RFX8: variants seen among roughly 807,000 people sequenced by gnomAD.
RFX8 encodes the protein regulatory factor X8.
Under a neutral mutation model 54.6 loss-of-function variants are expected in RFX8, and 46 were observed. The ratio of observed to expected loss-of-function variants is 0.84; its 90% CI spans 0.67 to 1.08. RFX8 has a LOEUF of 1.08. RFX8 is among the 50% of genes least tolerant of loss of function. The pLI, the probability that RFX8 is intolerant of heterozygous loss-of-function variation, is 0.00. For synonymous variants in RFX8, 192 were observed against 209.5 expected, an observed-to-expected ratio of 0.92 and a Z score of 0.72; for missense variants, 536 against 562.3, an observed-to-expected ratio of 0.95 and a Z score of 0.47.
intron 1 of RFX8, among the ~76,000 whole-genome samples, chr2:101,472,654 ATAAAAT>A (rs1458585132): frequency 6.6e-6 from 1 of 152,196 alleles, no homozygotes; most frequent in East Asian, 1.9e-4. Context: ...TGGGTCACAT[ATAAAAT>A]ACACTAACAC....
chr2:101,467,418 C>A (rs1689637338), intron 1 of RFX8, among the ~76,000 whole-genome samples: 1 of 152,154 alleles, frequency 6.6e-6, no homozygotes, highest in African/African-American at 2.4e-5. Context: ...CAGTTGCTTG[C>A]ATGGTTCTTA....
At chr2:101,456,000 T>C (rs887610388) in intron 2 of RFX8, among the ~76,000 whole-genome samples, 1 of 152,212 alleles carries the variant, frequency 6.6e-6, no homozygotes, top group African/African-American at 2.4e-5. Flanking sequence ...AGTTCACTCA[T>C]GATTTGGCTC....
rs955470649 is a variant in RFX8, at chr2:101,406,175, A to T, written c.814-118T>A. 8.6e-6 allele frequency: 5 copies of T among 583,882 alleles called. No individual in the cohort carries two copies. In the Admixed American group the frequency reaches 1.4e-4, roughly 16 times the overall value. The allele number at this position is 583,882 out of a possible 1,614,324, so 36.2% of individuals were successfully genotyped here. On this transcript the variant is annotated intron_variant, in intron 9 of 11. Transcript: ENST00000428343. ...CATTTTTAAAGAGCCAAAGAAGAGGAAGATGAAATAACAAAAGCGGGAACT... is the reference window on the plus strand; with the variant it reads ...CATTTTTAAAGAGCCAAAGAAGAGGTAGATGAAATAACAAAAGCGGGAACT...
Position 101,418,865 on chromosome 2 carries a change from C to G in RFX8, c.337G>C (p.Val113Leu), listed in dbSNP as rs1056347284. The G allele has an allele frequency of 3.9e-6, 6 of 1,548,422 alleles. No homozygotes were observed. In the Admixed American group the frequency reaches 1.2e-4, roughly 30 times the overall value. ...DVCQLFKCYDVQLYKGIEDVL... is the reference protein window; with the variant it reads ...DVCQLFKCYDLQLYKGIEDVL... The stretch of plus-strand genomic sequence containing the variant: ...CGTCCTCCTACCTTGTACAGCTGGA[C>G]GTCGTAGCATTTAAAGAGCTGGCAC... Residue 113 changes from valine (V) to leucine (L), a missense_variant, in exon 5 of 12, where the codon GTC becomes CTC. Transcript: ENST00000428343.
intron 1 of RFX8, among the ~76,000 whole-genome samples, chr2:101,469,004 GTATATATATATAGGTA>G (rs1558896100): frequency 4.3e-4 from 11 of 25,312 alleles, no homozygotes; most frequent in South Asian, 1.5e-3. Flanking sequence ...ATATATATAC[GTATATATATATAGGTA>G]TATATATATA....
intron 1 of RFX8, among the ~76,000 whole-genome samples, chr2:101,470,631 T>C (rs1462315966): frequency 2.0e-5 from 3 of 152,016 alleles, no homozygotes; most frequent in African/African-American, 7.2e-5. Flanking sequence ...CTCCTCGCTT[T>C]GAGTGATGAA....
At position 101,402,603 on chromosome 2, in the gene RFX8, G is replaced by C; in HGVS notation, c.1078C>G (p.Leu360Val). The C allele has an allele frequency of 1.9e-6, 3 of 1,552,082 alleles. No individual in the cohort carries two copies. The highest frequency in any genetic ancestry group is 2.6e-6 in the Non-Finnish European group (3 of 1,147,104). ...DPTLGQPDQA[L>V]FHSLNSSLSQ... ...AGTGAGGAATTCAGAGAATGGAAAAGTGCCTGGTCTGGCTGGCCGAGAGTC... is the reference window on the plus strand; with the variant it reads ...AGTGAGGAATTCAGAGAATGGAAAACTGCCTGGTCTGGCTGGCCGAGAGTC... The change falls in exon 11 of 12, where the codon CTT becomes GTT. Residue 360 changes from leucine to valine, a missense_variant. Physicochemically the swap from Leu to Val is conservative, Grantham distance 32 (BLOSUM62 1). Transcript: ENST00000428343.
chr2:101,417,049 G>C (rs922386604), intron 6 of RFX8, among the ~76,000 whole-genome samples: 2 of 152,258 alleles, frequency 1.3e-5, no homozygotes, highest in African/African-American at 4.8e-5. Context: ...GGTGTGGCTG[G>C]ATCAGCACAA....
At chr2:101,410,125 C>T (rs1002679185) in intron 9 of RFX8, among the ~76,000 whole-genome samples, 5 of 152,072 alleles carry the variant, frequency 3.3e-5, no homozygotes, top group South Asian at 4.2e-4. Flanking sequence ...CCCTTTGCTG[C>T]AATACACACC....
intron 5 of RFX8, 122 bp downstream of exon 5, chr2:101,418,729 C>T: frequency 1.4e-6 from 1 of 702,494 alleles, no homozygotes; most frequent in Non-Finnish European, 2.6e-6. Flanking sequence ...GTCCATACAC[C>T]CCACTATTCA....
At chr2:101,449,904 T>C (rs924664452) in intron 2 of RFX8, among the ~76,000 whole-genome samples, 35 of 151,902 alleles carry the variant, frequency 2.3e-4, no homozygotes, top group African/African-American at 8.2e-4. Flanking sequence ...GGGGGTTGGA[T>C]GACACAGTCC....
In RFX8 at chr2:101,451,819, C is replaced by T. The variant is rs573378587; in HGVS notation, c.72+14958G>A. On this transcript the variant is annotated intron_variant, in intron 2 of 11. Transcript: ENST00000428343. ...TAATTAAAACAGCTCCAAGGCCGGA[C>T]GTGGTGGCTCACGCCCGTAATCCCA... 3.9e-5 allele frequency among the ~76,000 whole-genome samples: 6 copies of T among 152,224 alleles called. No individual in the cohort carries two copies. The East Asian group carries it at 5.8e-4, about 15-fold the overall frequency.
Position 101,406,179 on chromosome 2 carries a change from T to A in RFX8, c.814-122A>T, listed in dbSNP as rs1419158554. On this transcript the variant is annotated intron_variant, in intron 9 of 11. Transcript: ENST00000428343. ...TTTAAAGAGCCAAAGAAGAGGAAGATGAAATAACAAAAGCGGGAACTGAGG... is the reference window on the plus strand; with the variant it reads ...TTTAAAGAGCCAAAGAAGAGGAAGAAGAAATAACAAAAGCGGGAACTGAGG... 4 of 579,684 alleles carry A rather than the reference T, an allele frequency of 6.9e-6. No homozygotes were observed. In the African/African-American group the frequency reaches 7.6e-5, roughly 11 times the overall value. 35.9% of individuals were successfully genotyped at this position (579,684 alleles called of 1,614,324 possible).
At chr2:101,424,910 A>C (rs946228417) in intron 2 of RFX8, among the ~76,000 whole-genome samples, 9 of 152,180 alleles carry the variant, frequency 5.9e-5, no homozygotes, top group African/African-American at 2.2e-4. Flanking sequence ...AGAAATACCT[A>C]ATGTAAATGA....
chr2:101,439,201 T>G (rs1395364400), intron 2 of RFX8, among the ~76,000 whole-genome samples: 1 of 152,176 alleles, frequency 6.6e-6, no homozygotes, highest in African/African-American at 2.4e-5. Flanking sequence ...ATCGTATGTT[T>G]ATGTCTTTTG....
At chr2:101,401,908 C>A (rs1027408765) in intron 11 of RFX8, among the ~76,000 whole-genome samples, 4 of 152,174 alleles carry the variant, frequency 2.6e-5, no homozygotes, top group African/African-American at 9.7e-5. Flanking sequence ...CCTCATCCAT[C>A]AAATGACAAT....
At chr2:101,433,670 A>T (rs1159383547) in intron 2 of RFX8, among the ~76,000 whole-genome samples, 1 of 152,220 alleles carries the variant, frequency 6.6e-6, no homozygotes, top group African/African-American at 2.4e-5. Context: ...TTGGCATCAT[A>T]AATTGCCCTC....
At chr2:101,398,276 T>C (rs1406511624) in intron 11 of RFX8, among the ~76,000 whole-genome samples, 1 of 152,168 alleles carries the variant, frequency 6.6e-6, no homozygotes. Flanking sequence ...TGATGGGCTC[T>C]CTTTAGGGAA....
At position 101,453,961 on chromosome 2, in the gene RFX8, C is replaced by T. The variant is rs997000320; in HGVS notation, c.72+12816G>A. Among the ~76,000 whole-genome samples the T allele has an allele frequency of 3.3e-5, 5 of 152,114 alleles. No homozygotes were observed. The East Asian group carries it at 5.8e-4, about 18-fold the overall frequency. On this transcript the variant is annotated intron_variant, in intron 2 of 11. Coordinates refer to ENST00000428343, the MANE Select transcript of RFX8 (RefSeq NM_001145664.2). ...ATGTGCACAACATGCAGGTTTGTTA[C>T]GTACGTATACATGTGCCATGTTGGT...
Sources: allele counts gnomAD v4.1 joint callset (sites outside exome capture counted in the v4.1 genomes callset), GRCh38; gene constraint gnomAD v4.1.1; transcripts MANE v1.5; gene names NCBI Gene and HGNC (gene_info 2026-07-23, HGNC 2026-07-21).